The following CTNNA3 variants were observed in gnomAD, a reference collection of about 807,000 sequenced individuals.
The protein encoded by CTNNA3 is catenin alpha-3.
CTNNA3 carries 76 observed loss-of-function variants against 95.7 expected under a neutral mutation model. That is an observed-to-expected ratio of 0.79 (90% CI 0.66 to 0.96). The LOEUF (loss-of-function observed/expected upper bound fraction) is 0.96, where lower values mean the gene tolerates loss of function less well. Ranked by LOEUF, CTNNA3 falls within the 40% of genes least tolerant of loss-of-function variation. CTNNA3 has a pLI of 0.00. For missense variants in CTNNA3, 1,191 were observed against 1,089.8 expected, an observed-to-expected ratio of 1.09 and a Z score of -1.31; for synonymous variants, 431 against 374.4, an observed-to-expected ratio of 1.15 and a Z score of -1.74.
At chr10:67,233,376 T>C (rs371735846) in intron 5 of CTNNA3, among the ~76,000 whole-genome samples, 1 of 150,664 alleles carries the variant, frequency 6.6e-6, no homozygotes, top group African/African-American at 2.4e-5. Flanking sequence ...ACCACTCAAC[T>C]ACATGGAAAC....
chr10:66,998,665 A>G (rs929835758), intron 7 of CTNNA3, among the ~76,000 whole-genome samples: 1 of 152,162 alleles, frequency 6.6e-6, no homozygotes, highest in Non-Finnish European at 1.5e-5. Context: ...AAAATATAGT[A>G]ATTCCAAACT....
At chr10:67,560,282 G>A (rs879080154) in intron 3 of CTNNA3, among the ~76,000 whole-genome samples, 13 of 151,138 alleles carry the variant, frequency 8.6e-5, no homozygotes, top group South Asian at 8.3e-4. Flanking sequence ...GACTAACAGC[G>A]GATGTCTCGG....
At chr10:66,747,407 T>C (rs1838929066) in intron 9 of CTNNA3, among the ~76,000 whole-genome samples, 1 of 152,156 alleles carries the variant, frequency 6.6e-6, no homozygotes, top group African/African-American at 2.4e-5. Flanking sequence ...ACCATGGAAA[T>C]CTTGAGACCT....
chr10:66,499,747 T>A (rs1589338826), intron 11 of CTNNA3, among the ~76,000 whole-genome samples: 1 of 152,024 alleles, frequency 6.6e-6, no homozygotes, highest in Admixed American at 6.6e-5. Flanking sequence ...TGAGAAAATA[T>A]CTATGGAACT....
chr10:66,817,060 G>T lies in CTNNA3; in HGVS notation c.1048-41536C>A, dbSNP rs535889435. On this transcript the variant is annotated intron_variant, in intron 7 of 17. Coordinates refer to ENST00000433211, the MANE Select transcript of CTNNA3 (RefSeq NM_013266.4). ...GACAGCCATAACTGTAAATGCTTAT[G>T]TTAGAAAACAAATGAGATCTCATAT... is the stretch of plus-strand genomic sequence containing the variant. Among the ~76,000 whole-genome samples the T allele has an allele frequency of 1.2e-3, 185 of 152,046 alleles. 2 individuals are homozygous for T. The highest frequency in any genetic ancestry group is 4.9e-3 in the Admixed American group (75 of 15,288).
intron 3 of CTNNA3, among the ~76,000 whole-genome samples, chr10:67,606,436 T>C (rs946484006): frequency 1.3e-5 from 2 of 152,206 alleles, no homozygotes; most frequent in Admixed American, 1.3e-4. Flanking sequence ...TTTGCAAGGT[T>C]AAAAATGTAC....
At chr10:67,381,591 TACC>T (rs1247393483) in intron 5 of CTNNA3, among the ~76,000 whole-genome samples, 1 of 152,020 alleles carries the variant, frequency 6.6e-6, no homozygotes, top group Non-Finnish European at 1.5e-5. Context: ...CCTCTCCTCA[TACC>T]ACCACCCTCC....
chr10:66,369,548 C>T (rs1280229059), intron 12 of CTNNA3, among the ~76,000 whole-genome samples: 1 of 152,022 alleles, frequency 6.6e-6, no homozygotes, highest in African/African-American at 2.4e-5. Context: ...GGTACATGTG[C>T]GCAACGTGCA....
intron 7 of CTNNA3, among the ~76,000 whole-genome samples, chr10:66,838,511 T>C (rs1326435065): frequency 6.6e-6 from 1 of 152,136 alleles, no homozygotes; most frequent in African/African-American, 2.4e-5. Context: ...TGAAGAGCTA[T>C]GTTGGGGAAG....
At chr10:65,952,008 C>T (rs1296073202) in intron 17 of CTNNA3, among the ~76,000 whole-genome samples, 1 of 128,468 alleles carries the variant, frequency 7.8e-6, no homozygotes, top group South Asian at 2.4e-4. Flanking sequence ...CCAGACCGGG[C>T]GACAGAGCGA....
At position 66,132,561 on chromosome 10, in the gene CTNNA3, G is replaced by A. The variant is rs1287714063; in HGVS notation, c.1885-29312C>T. ...TCCCATTACTGGATATATACCCAAA[G>A]AACTATAAATCATTCTGCCATAAAG... is the stretch of plus-strand genomic sequence containing the variant. On this transcript the variant is annotated intron_variant, in intron 13 of 17. Transcript: ENST00000433211. 3.9e-5 allele frequency among the ~76,000 whole-genome samples: 6 copies of A among 152,036 alleles called. No individual in the cohort carries two copies. In the South Asian group the frequency reaches 1.0e-3, roughly 26 times the overall value.
chr10:66,260,417 A>G (rs756644597), intron 13 of CTNNA3, among the ~76,000 whole-genome samples: 22 of 152,066 alleles, frequency 1.4e-4, no homozygotes, highest in Non-Finnish European at 2.8e-4. Flanking sequence ...TTCTGTACCC[A>G]CAAAAGATGA....
chr10:67,371,386 C>A (rs1489310967), intron 5 of CTNNA3, among the ~76,000 whole-genome samples: 3 of 145,178 alleles, frequency 2.1e-5, no homozygotes, highest in Non-Finnish European at 3.0e-5. Context: ...CCCCTCCCCC[C>A]ATCCCACAAC....
At chr10:66,188,124 T>G (rs150886770) in intron 13 of CTNNA3, among the ~76,000 whole-genome samples, 2 of 151,994 alleles carry the variant, frequency 1.3e-5, no homozygotes, top group African/African-American at 4.8e-5. Context: ...CCAAACCAGA[T>G]TTAAATGGAG....
chr10:66,633,141 C>T (rs1274667384), intron 9 of CTNNA3, among the ~76,000 whole-genome samples: 3 of 152,114 alleles, frequency 2.0e-5, no homozygotes, highest in Admixed American at 2.0e-4. Flanking sequence ...ATGTTCAGAA[C>T]TGTAGCAATT....
intron 1 of CTNNA3, among the ~76,000 whole-genome samples, chr10:67,759,940 C>A (rs1841454049): frequency 1.3e-5 from 2 of 152,184 alleles, no homozygotes; most frequent in Non-Finnish European, 2.9e-5. Context: ...CCTGATGAGA[C>A]CCTAAGCAAA....
chr10:66,855,130 T>C (rs895875457), intron 7 of CTNNA3, among the ~76,000 whole-genome samples: 38 of 151,946 alleles, frequency 2.5e-4, no homozygotes, highest in Non-Finnish European at 4.9e-4. Context: ...ACACTCACTA[T>C]GGAAAGTACC....
chr10:67,109,591 T>C (rs1372112975), intron 7 of CTNNA3, among the ~76,000 whole-genome samples: 1 of 152,214 alleles, frequency 6.6e-6, no homozygotes, highest in Non-Finnish European at 1.5e-5. Flanking sequence ...ACGCCTGTAA[T>C]CCCAGCACTT....
At chr10:66,792,136 T>C (rs1405687058) in intron 7 of CTNNA3, among the ~76,000 whole-genome samples, 1 of 152,168 alleles carries the variant, frequency 6.6e-6, no homozygotes, top group Non-Finnish European at 1.5e-5. Flanking sequence ...TAAAAAAATA[T>C]AACCTCCTTT....
Sources: allele counts gnomAD v4.1 joint callset (sites outside exome capture counted in the v4.1 genomes callset), GRCh38; gene constraint gnomAD v4.1.1; transcripts MANE v1.5; gene names NCBI Gene and HGNC (gene_info 2026-07-23, HGNC 2026-07-21).